Variants in ZNF385D observed in about 807,000 individuals in gnomAD.
ZNF385D encodes the protein zinc finger protein 659.
In ZNF385D, 15 loss-of-function variants were observed where a neutral mutation model predicts 35.8. The observed-to-expected ratio is 0.42, with a 90% confidence interval of 0.28 to 0.64. The LOEUF (loss-of-function observed/expected upper bound fraction) is 0.64. ZNF385D is among the 30% of genes least tolerant of loss of function. The probability of loss-of-function intolerance (pLI) is 0.23; values close to 1 mark genes in which losing one functional copy is unlikely to be tolerated. For synonymous variants in ZNF385D, 212 were observed against 186.8 expected (o/e 1.13, Z -1.10); for missense variants, 474 against 494.6 (o/e 0.96, Z 0.39).
chr3:21,512,030 C>A (rs1707251844), intron 3 of ZNF385D, among the ~76,000 whole-genome samples: 3 of 150,578 alleles, frequency 2.0e-5, no homozygotes, highest in Admixed American at 6.6e-5. Flanking sequence ...ACCTATAGTC[C>A]CAGCTACTCG....
At chr3:21,835,360 T>C (rs1377985863) in intron 3 of ZNF385D, among the ~76,000 whole-genome samples, 1 of 151,824 alleles carries the variant, frequency 6.6e-6, no homozygotes, top group Non-Finnish European at 1.5e-5. Flanking sequence ...CATTGTAAAA[T>C]TTGCTTAGGA....
chr3:22,305,708 C>G (rs1703170088), intron 2 of ZNF385D, among the ~76,000 whole-genome samples: 1 of 152,116 alleles, frequency 6.6e-6, no homozygotes, highest in Non-Finnish European at 1.5e-5. Flanking sequence ...CCACAACTAA[C>G]TTCAAGGAGC....
At chr3:21,931,799 CATTGG>C (rs1402982415) in intron 3 of ZNF385D, among the ~76,000 whole-genome samples, 1 of 152,074 alleles carries the variant, frequency 6.6e-6, no homozygotes, top group Non-Finnish European at 1.5e-5. Context: ...TATTAAAAGT[CATTGG>C]ATTGTACACT....
Position 22,256,105 on chromosome 3 carries a change from T to C in ZNF385D, c.107-87070A>G, listed in dbSNP as rs576242008. 4.0e-5 allele frequency among the ~76,000 whole-genome samples: 6 copies of C among 151,830 alleles called. No individual in the cohort carries two copies. In the East Asian group the frequency reaches 1.2e-3, roughly 30 times the overall value. On this transcript the variant is annotated intron_variant, in intron 2 of 5. Coordinates refer to the ZNF385D transcript ENST00000494108. Reference sequence around the variant, plus strand: ...ATGGTGGATGCTTCCTGCCCTCCAATGTCAGACTCCAAGTTCTTCAGTTTT... The same window carrying C: ...ATGGTGGATGCTTCCTGCCCTCCAACGTCAGACTCCAAGTTCTTCAGTTTT...
chr3:22,169,758 G>A (rs1706563808), intron 2 of ZNF385D, among the ~76,000 whole-genome samples: 1 of 152,124 alleles, frequency 6.6e-6, no homozygotes, highest in Non-Finnish European at 1.5e-5. Context: ...AAGAGAAAAG[G>A]TCAACCCATA....
chr3:21,886,905 T>C (rs1029585998), intron 3 of ZNF385D, among the ~76,000 whole-genome samples: 3 of 152,160 alleles, frequency 2.0e-5, no homozygotes, highest in Non-Finnish European at 2.9e-5. Context: ...TCCCATTACA[T>C]ACTTTCATTC....
chr3:22,260,695 A>C (rs1315141597), intron 2 of ZNF385D, among the ~76,000 whole-genome samples: 3 of 151,904 alleles, frequency 2.0e-5, no homozygotes, highest in Non-Finnish European at 4.4e-5. Flanking sequence ...GATCCTTTTT[A>C]CCTAACATAA....
intron 1 of ZNF385D, among the ~76,000 whole-genome samples, chr3:21,727,065 A>C (rs2068795867): frequency 6.6e-6 from 1 of 152,226 alleles, no homozygotes; most frequent in African/African-American, 2.4e-5. Flanking sequence ...CAAAGAAGCA[A>C]TGGGAAAAGG....
At position 21,483,949 on chromosome 3, in the gene ZNF385D, G is replaced by A. The variant is rs548296797; in HGVS notation, c.439+26912C>T. Among the ~76,000 whole-genome samples the A allele has an allele frequency of 1.4e-3, 216 of 151,850 alleles. 1 individual carries two copies. Among genetic ancestry groups the A allele is most frequent in the African/African-American group, 4.9e-3 (204 of 41,414 alleles). Reference sequence around the variant, plus strand: ...TTTTCTCTTACGGATCATGCTATTGGCATCATTCTTTGTCAGTCAGGGTCC... The same window carrying A: ...TTTTCTCTTACGGATCATGCTATTGACATCATTCTTTGTCAGTCAGGGTCC... On this transcript the variant is annotated intron_variant, in intron 4 of 7. Transcript: ENST00000281523.
chr3:22,028,512 C>A (rs1697709529), intron 3 of ZNF385D, among the ~76,000 whole-genome samples: 1 of 152,160 alleles, frequency 6.6e-6, no homozygotes, highest in African/African-American at 2.4e-5. Flanking sequence ...GGTGATCAGC[C>A]AGCTACCTGG....
rs571367424 is a variant in ZNF385D at position 21,846,077 on chromosome 3, C to T, written c.326-181049G>A. Among the ~76,000 whole-genome samples the T allele has an allele frequency of 8.4e-4, 128 of 151,980 alleles. 4 individuals are homozygous for T. The highest frequency in any genetic ancestry group is 3.8e-4 in the Non-Finnish European group (26 of 67,964). On this transcript the variant is annotated intron_variant, in intron 3 of 5. Transcript: ENST00000494108. ...CCCAAAGTCTGAATGAACACTTAGG[C>T]TGTGTCCATCGGGGTCACAGGAGTT...
At chr3:22,081,642 G>A (rs1320437443) in intron 3 of ZNF385D, among the ~76,000 whole-genome samples, 1 of 152,130 alleles carries the variant, frequency 6.6e-6, no homozygotes, top group Non-Finnish European at 1.5e-5. Context: ...TGGGACCAAA[G>A]CCTGTCATCT....
intron 3 of ZNF385D, among the ~76,000 whole-genome samples, chr3:21,978,524 T>C (rs545966500): frequency 1.1e-4 from 16 of 152,340 alleles, no homozygotes; most frequent in African/African-American, 2.9e-4. Context: ...TATTGCTAAA[T>C]TGTCTCAGAG....
chr3:22,108,624 C>T (rs1470270225), intron 3 of ZNF385D, among the ~76,000 whole-genome samples: 1 of 152,156 alleles, frequency 6.6e-6, no homozygotes, highest in East Asian at 1.9e-4. Flanking sequence ...AGAAAAGTTA[C>T]TTAACCTCTC....
intron 3 of ZNF385D, among the ~76,000 whole-genome samples, chr3:21,801,336 T>C (rs540062470): frequency 5.3e-5 from 8 of 152,158 alleles, no homozygotes; most frequent in Non-Finnish European, 7.4e-5. Flanking sequence ...ACTGGACCCA[T>C]AGAATGAGTT....
intron 3 of ZNF385D, among the ~76,000 whole-genome samples, chr3:21,993,353 C>T (rs1366169312): frequency 6.6e-6 from 1 of 152,070 alleles, no homozygotes; most frequent in Non-Finnish European, 1.5e-5. Flanking sequence ...TCTGCACATG[C>T]CATTTTGTGA....
chr3:21,885,592 G>C (rs911466245), intron 3 of ZNF385D, among the ~76,000 whole-genome samples: 1 of 151,802 alleles, frequency 6.6e-6, no homozygotes, highest in African/African-American at 2.4e-5. Context: ...GAATCAATTG[G>C]TTATAAGACA....
At chr3:21,896,053 G>C (rs796189275) in intron 3 of ZNF385D, among the ~76,000 whole-genome samples, 30 of 152,244 alleles carry the variant, frequency 2.0e-4, no homozygotes, top group African/African-American at 7.0e-4. Flanking sequence ...TTTGACTTGT[G>C]TAAGGAATTC....
chr3:21,660,786 A>C (rs1373587907), intron 2 of ZNF385D, among the ~76,000 whole-genome samples: 3 of 152,148 alleles, frequency 2.0e-5, no homozygotes, highest in Non-Finnish European at 2.9e-5. Flanking sequence ...TGGGCTTTTA[A>C]ATTGTTTGTT....
Sources: gnomAD v4.1 joint callset for allele counts (sites outside exome capture counted in the v4.1 genomes callset) on GRCh38, gnomAD v4.1.1 for gene constraint, MANE v1.5 for transcripts, NCBI Gene and HGNC (gene_info 2026-07-23, HGNC 2026-07-21) for gene names.